FAM13A: variants seen among roughly 807,000 people sequenced by gnomAD.
The protein encoded by FAM13A is family with sequence similarity 13 member A, also known as protein FAM13A.
Under a neutral mutation model 129.6 loss-of-function variants are expected in FAM13A, and 76 were observed. The ratio of observed to expected loss-of-function variants is 0.59; its 90% CI spans 0.49 to 0.71. The LOEUF is 0.71. FAM13A is among the 30% of genes least tolerant of loss of function. The pLI, the probability that FAM13A is intolerant of heterozygous loss-of-function variation, is 0.00. For missense variants in FAM13A, 1,108 were observed against 1,249.3 expected (o/e 0.89, Z 1.70); for synonymous variants, 443 against 449.9 (o/e 0.98, Z 0.20).
intron 14 of FAM13A, among the ~76,000 whole-genome samples, chr4:88,752,891 G>T (rs1241198880): frequency 6.6e-6 from 1 of 152,210 alleles, no homozygotes; most frequent in Admixed American, 6.5e-5. Flanking sequence ...GAGGGAAAGG[G>T]TTAAGATGGC....
At chr4:88,798,670 A>G (rs1726757699) in intron 8 of FAM13A, among the ~76,000 whole-genome samples, 1 of 152,216 alleles carries the variant, frequency 6.6e-6, no homozygotes, top group Non-Finnish European at 1.5e-5. Context: ...GTGACTTTTG[A>G]CATGGCTTTT....
At chr4:88,938,302 G>T in intron 4 of FAM13A, 61 bp from the exon 5 acceptor site, 1 of 1,309,524 alleles carries the variant, frequency 7.6e-7, no homozygotes, top group Non-Finnish European at 1.1e-6. Context: ...CCTGCTAGCT[G>T]ACTCAGACTT....
intron 3 of FAM13A, among the ~76,000 whole-genome samples, chr4:89,006,438 C>T (rs943832348): frequency 1.2e-4 from 18 of 152,170 alleles, no homozygotes; most frequent in African/African-American, 3.6e-4. Flanking sequence ...GAATTCCCTG[C>T]GCCCCACTGT....
chr4:88,899,685 AG>A (rs1256615510), intron 6 of FAM13A, among the ~76,000 whole-genome samples: 1 of 152,052 alleles, frequency 6.6e-6, no homozygotes, highest in Non-Finnish European at 1.5e-5. Flanking sequence ...GGATTAAAGA[AG>A]TTTTTCTATA....
chr4:88,728,025 G>A lies in FAM13A; in HGVS notation c.*508C>T, dbSNP rs3733442. The stretch of plus-strand genomic sequence containing the variant: ...GTGGAAAGGTCACTAGAATGGCAGC[G>A]GCAGCAAATAGGGCTCCAATGCACG... On this transcript the variant is annotated 3_prime_UTR_variant, in exon 24 of 24. Coordinates refer to ENST00000264344, the MANE Select transcript of FAM13A (RefSeq NM_014883.4). 28 of 154,230 alleles carry A rather than the reference G, an allele frequency of 1.8e-4. No homozygotes were observed. The East Asian group carries it at 5.1e-3, about 28-fold the overall frequency. The allele number at this position is 154,230 out of a possible 1,614,324, so 9.6% of individuals were successfully genotyped here. A position where few individuals can be genotyped will look rare whatever the true frequency, so the allele number is the denominator to read the frequency against.
chr4:88,771,712 G>T (rs1720707890), intron 11 of FAM13A, among the ~76,000 whole-genome samples: 1 of 152,146 alleles, frequency 6.6e-6, no homozygotes, highest in African/African-American at 2.4e-5. Flanking sequence ...ATTTAATAAA[G>T]TTGCTTCTTG....
intron 5 of FAM13A, among the ~76,000 whole-genome samples, chr4:88,908,797 C>T (rs1031279905): frequency 6.6e-6 from 1 of 152,144 alleles, no homozygotes; most frequent in Non-Finnish European, 1.5e-5. Flanking sequence ...AGCCAGCACC[C>T]GTTCAGAGTT....
chr4:88,745,165 G>A (rs1319170707), intron 19 of FAM13A, among the ~76,000 whole-genome samples: 2 of 151,952 alleles, frequency 1.3e-5, no homozygotes, highest in African/African-American at 2.4e-5. Flanking sequence ...ACAGATAAAC[G>A]TCTGTGTGTG....
At chr4:88,980,488 T>G (rs1761510849) in intron 4 of FAM13A, among the ~76,000 whole-genome samples, 2 of 152,244 alleles carry the variant, frequency 1.3e-5, no homozygotes, top group African/African-American at 4.8e-5. Context: ...AAGTAGGTGC[T>G]ACATAGGGCT....
intron 4 of FAM13A, among the ~76,000 whole-genome samples, chr4:88,944,203 T>C (rs946599807): frequency 6.6e-6 from 1 of 152,012 alleles, no homozygotes; most frequent in Non-Finnish European, 1.5e-5. Flanking sequence ...ATTTTAAAAA[T>C]TAGCTGGGCA....
chr4:88,989,405 C>T (rs1326354807), intron 4 of FAM13A, among the ~76,000 whole-genome samples: 1 of 152,056 alleles, frequency 6.6e-6, no homozygotes, highest in Admixed American at 6.5e-5. Flanking sequence ...AGTTTGAGAC[C>T]AGCCTGGGCA....
chr4:89,036,598 A>G (rs541706970), intron 1 of FAM13A, among the ~76,000 whole-genome samples: 9 of 152,320 alleles, frequency 5.9e-5, no homozygotes, highest in Non-Finnish European at 1.0e-4. Context: ...TTGCAGCTGA[A>G]CATTCAGAGG....
chr4:88,922,533 C>T (rs1246636), intron 5 of FAM13A, among the ~76,000 whole-genome samples: 23,781 of 151,882 alleles, frequency 0.16, 2,043 homozygotes, highest in Non-Finnish European at 0.2. Context: ...ACCAGAATCT[C>T]TGGGACACAT....
chr4:88,748,853 C>A, intron 17 of FAM13A, 99 bp downstream of exon 17: 1 of 854,866 alleles, frequency 1.2e-6, no homozygotes, highest in Non-Finnish European at 2.0e-6. Flanking sequence ...TCTTTAAGGA[C>A]CGGGGAATGC....
intron 6 of FAM13A, among the ~76,000 whole-genome samples, chr4:88,869,067 G>C (rs1222255032): frequency 6.6e-6 from 1 of 152,044 alleles, no homozygotes; most frequent in African/African-American, 2.4e-5. Context: ...TAGACTATAT[G>C]GTCTCCAATC....
chr4:88,792,880 G>A (rs147978842), intron 8 of FAM13A, among the ~76,000 whole-genome samples: 104 of 152,102 alleles, frequency 6.8e-4, no homozygotes, highest in South Asian at 2.7e-3. Context: ...TGAAGGGAGG[G>A]TGAAGAAAGA....
At chr4:88,800,336 C>A (rs1218944136) in intron 8 of FAM13A, among the ~76,000 whole-genome samples, 2 of 152,042 alleles carry the variant, frequency 1.3e-5, no homozygotes, top group Non-Finnish European at 2.9e-5. Context: ...ATACAAAAAC[C>A]AAAACCAAAA....
At chr4:88,957,726 G>A (rs1451123870) in intron 4 of FAM13A, among the ~76,000 whole-genome samples, 2 of 152,160 alleles carry the variant, frequency 1.3e-5, no homozygotes, top group Non-Finnish European at 2.9e-5. Context: ...CCAAAATGCT[G>A]ACAGAAATAT....
rs112314839 is a variant in FAM13A at position 88,747,509 on chromosome 4, G to C, written c.2382+122C>G. 2.5e-3 allele frequency: 2,057 copies of C among 807,026 alleles called. 28 individuals carry two copies. The African/African-American group carries it at 0.032, about 13-fold the overall frequency. The allele number at this position is 807,026 out of a possible 1,614,324, so 50.0% of individuals were successfully genotyped here. On this transcript the variant is annotated intron_variant, in intron 18 of 23. Transcript: ENST00000264344. Reference sequence around the variant, plus strand: ...CTGTTTCATCAGCTTCCCTAGACACGTAACAGCCTGGAAGGCTTAACAAGG... The same window carrying C: ...CTGTTTCATCAGCTTCCCTAGACACCTAACAGCCTGGAAGGCTTAACAAGG...
Sources: allele counts gnomAD v4.1 joint callset (sites outside exome capture counted in the v4.1 genomes callset), GRCh38; gene constraint gnomAD v4.1.1; transcripts MANE v1.5; gene names NCBI Gene and HGNC (gene_info 2026-07-23, HGNC 2026-07-21).